AGBL2: variants seen among roughly 807,000 people sequenced by gnomAD.
AGBL2 encodes cytosolic carboxypeptidase 2.
AGBL2 carries 87 observed loss-of-function variants against 103.0 expected under a neutral mutation model. The observed-to-expected ratio is 0.84, with a 90% CI of 0.71 to 1.01. The LOEUF is 1.01. Among genes scored for constraint, AGBL2 ranks in the 50% least tolerant of loss-of-function variants. The pLI, the probability that AGBL2 is intolerant of heterozygous loss-of-function variation, is 0.00. For synonymous variants in AGBL2, 335 were observed against 356.7 expected, an observed-to-expected ratio of 0.94 and a Z score of 0.69; for missense variants, 904 against 1,023.5, an observed-to-expected ratio of 0.88 and a Z score of 1.59.
intron 14 of AGBL2, among the ~76,000 whole-genome samples, chr11:47,671,836 AAGC>A (rs1361210944): frequency 1.3e-5 from 2 of 152,246 alleles, no homozygotes; most frequent in Admixed American, 1.3e-4. Flanking sequence ...AAAGCACTAA[AAGC>A]AGTATGTCCC....
At chr11:47,670,010 G>A (rs1205917077) in intron 14 of AGBL2, among the ~76,000 whole-genome samples, 2 of 152,236 alleles carry the variant, frequency 1.3e-5, no homozygotes, top group Admixed American at 1.3e-4. Context: ...GATGAACGAG[G>A]CAGAGCCTCT....
intron 8 of AGBL2, among the ~76,000 whole-genome samples, chr11:47,695,561 G>C (rs1017811262): frequency 6.7e-6 from 1 of 150,290 alleles, no homozygotes; most frequent in African/African-American, 2.5e-5. Context: ...GATTGCTTGA[G>C]CACAGGAGTT....
chr11:47,669,268 A>G (rs1422926530), intron 14 of AGBL2, among the ~76,000 whole-genome samples: 1 of 152,056 alleles, frequency 6.6e-6, no homozygotes. Context: ...GGATCCCACT[A>G]TGTTGCCTGG....
intron 8 of AGBL2, among the ~76,000 whole-genome samples, chr11:47,697,157 G>C (rs1199044011): frequency 6.6e-6 from 1 of 152,004 alleles, no homozygotes; most frequent in Admixed American, 6.6e-5. Flanking sequence ...TCACACTCCT[G>C]ATCTCAAGTG....
Position 47,690,591 on chromosome 11 carries a change from C to G in AGBL2, c.1116G>C (p.Gln372His). 6.2e-7 allele frequency: 1 copy of G among 1,614,142 alleles called. No individual in the cohort carries two copies. The highest frequency in any genetic ancestry group is 8.5e-7 in the Non-Finnish European group (1 of 1,180,030). ...YYKNNTDDGQ[Q>H]PFYCLTWTIQ... ...TGGTCCACGTGAGACAGTAGAAGGGCTGCTGCCCATCATCCGTGTTGTTCT... is the reference window on the plus strand; with the variant it reads ...TGGTCCACGTGAGACAGTAGAAGGGGTGCTGCCCATCATCCGTGTTGTTCT... The change falls in exon 10 of 19, where the codon CAG (glutamine) becomes CAC (histidine). Residue 372 changes from glutamine (Q) to histidine (H), a missense_variant. Gln to His is a conservative substitution (Grantham distance 24). Transcript: ENST00000525123.
At chr11:47,689,302 ATTTT>A (rs397741033) in intron 10 of AGBL2, among the ~76,000 whole-genome samples, 1 of 126,202 alleles carries the variant, frequency 7.9e-6, no homozygotes. Flanking sequence ...CCACTTCTCA[ATTTT>A]TTTTTTTTTT....
At chr11:47,678,321 T>TTA (rs1491202704) in intron 13 of AGBL2, among the ~76,000 whole-genome samples, 13 of 133,798 alleles carry the variant, frequency 9.7e-5, no homozygotes, top group African/African-American at 2.9e-4. Flanking sequence ...TTTTATTTTA[T>TTA]TTTATTTTAT....
At chr11:47,679,366 G>A (rs1279087710) in intron 13 of AGBL2, among the ~76,000 whole-genome samples, 1 of 151,796 alleles carries the variant, frequency 6.6e-6, no homozygotes, top group Non-Finnish European at 1.5e-5. Context: ...ACTTCAGCCT[G>A]GGTAACAGAG....
intron 17 of AGBL2, among the ~76,000 whole-genome samples, chr11:47,665,705 C>T (rs1420156588): frequency 3.3e-5 from 5 of 151,958 alleles, no homozygotes; most frequent in South Asian, 2.1e-4. Context: ...CCTCCTGCCT[C>T]GGCTTTCCAA....
At chr11:47,710,242 G>GT in intron 4 of AGBL2, 135 bp downstream of exon 4, 1 of 1,046,340 alleles carries the variant, frequency 9.6e-7, no homozygotes, top group Non-Finnish European at 1.4e-6. Flanking sequence ...TTAGAGAGAA[G>GT]TTTTGAATGG....
At chr11:47,663,213 T>G (rs2153802506) in intron 17 of AGBL2, 101 bp from the exon 18 acceptor site, 1 of 728,334 alleles carries the variant, frequency 1.4e-6, no homozygotes, top group Non-Finnish European at 2.3e-6. Context: ...ACATGTTGAT[T>G]CATTGTGATA....
chr11:47,667,499 A>AC, intron 16 of AGBL2, 72 bp downstream of exon 16: 1 of 1,553,324 alleles, frequency 6.4e-7, no homozygotes, highest in Admixed American at 2.0e-5. Flanking sequence ...GTAAACTTTA[A>AC]CCCCCTTTCC....
In AGBL2 at chr11:47,710,394, T is replaced by C. The variant is rs749652233; in HGVS notation, c.215A>G (p.Gln72Arg). The change falls in exon 4 of 19, where the codon CAA becomes CGA. Residue 72 changes from glutamine to arginine, a missense_variant. Gln to Arg is a conservative substitution (Grantham distance 43). Coordinates refer to ENST00000525123, the MANE Select transcript of AGBL2 (RefSeq NM_024783.4). ...EKDDLIPDTLQKEKLLWPISL... is the reference protein window; with the variant it reads ...EKDDLIPDTLRKEKLLWPISL... ...TTACTCACATAGAAGCTTCTCCTTT[T>C]GCAGGGTGTCTGGTATCAAATCATC... is the stretch of plus-strand genomic sequence containing the variant. 1.1e-5 allele frequency: 18 copies of C among 1,614,132 alleles called. No individual in the cohort carries two copies. The African/African-American group carries it at 2.1e-4, about 19-fold the overall frequency.
intron 8 of AGBL2, among the ~76,000 whole-genome samples, chr11:47,694,566 G>A (rs2097459911): frequency 6.6e-6 from 1 of 152,142 alleles, no homozygotes; most frequent in African/African-American, 2.4e-5. Flanking sequence ...AGGTAGCTAT[G>A]AGCAGTGTAT....
Position 47,660,141 on chromosome 11 carries a change from T to C in AGBL2, c.*32A>G. ...ATGTGTCTAATCTCAAAACCCCCGA[T>C]GAAGTGCTTGTGTGGCACAGCCCAG... On this transcript the variant is annotated 3_prime_UTR_variant, in exon 19 of 19. Transcript: ENST00000525123. The C allele has an allele frequency of 1.9e-6, 3 of 1,576,452 alleles. No individual in the cohort carries two copies. The highest frequency in any genetic ancestry group is 2.6e-6 in the Non-Finnish European group (3 of 1,162,406).
At chr11:47,669,013 T>A in intron 14 of AGBL2, 106 bp from the exon 15 acceptor site, 1 of 730,758 alleles carries the variant, frequency 1.4e-6, no homozygotes, top group Non-Finnish European at 2.4e-6. Flanking sequence ...GGATATCTTC[T>A]AGTCTACTAT....
chr11:47,714,451 C>A (rs1336844720), intron 2 of AGBL2, 104 bp from the exon 3 acceptor site: 3 of 1,328,520 alleles, frequency 2.3e-6, no homozygotes, highest in Non-Finnish European at 3.2e-6. Flanking sequence ...CTAAACCAAG[C>A]GAGCTGCATT....
intron 4 of AGBL2, among the ~76,000 whole-genome samples, chr11:47,709,788 C>T (rs768546176): frequency 1.1e-4 from 16 of 151,958 alleles, no homozygotes; most frequent in Admixed American, 2.0e-4. Context: ...AGAGTTTTGC[C>T]GTGTTGCCCA....
At chr11:47,689,289 T>C (rs2097435638) in intron 10 of AGBL2, among the ~76,000 whole-genome samples, 1 of 149,224 alleles carries the variant, frequency 6.7e-6, no homozygotes, top group South Asian at 2.1e-4. Context: ...TTACTTAACC[T>C]ACCCACTTCT....
Sources: allele counts gnomAD v4.1 joint callset (sites outside exome capture counted in the v4.1 genomes callset), GRCh38; gene constraint gnomAD v4.1.1; transcripts MANE v1.5; gene names NCBI Gene and HGNC (gene_info 2026-07-23, HGNC 2026-07-21).